ATAD2B: variants seen among roughly 807,000 people sequenced by gnomAD.
ATAD2B encodes the protein ATPase family AAA domain-containing protein 2B.
A neutral mutation model predicts 167.6 loss-of-function variants in ATAD2B; 40 were observed. That is an observed-to-expected ratio of 0.24 (90% CI 0.19 to 0.31). The LOEUF (loss-of-function observed/expected upper bound fraction) is 0.31. Among genes scored for constraint, ATAD2B ranks in the 10% least tolerant of loss-of-function variants. The pLI, the probability that ATAD2B is intolerant of heterozygous loss-of-function variation, is 1.00. For synonymous variants in ATAD2B, 579 were observed against 596.5 expected (o/e 0.97, Z 0.43); for missense variants, 1,242 against 1,757.2 (o/e 0.71, Z 5.24).
the ATAD2B span, among the ~76,000 whole-genome samples, chr2:23,694,303 G>A: frequency 3.3e-5 from 5 of 152,054 alleles, no homozygotes; most frequent in Non-Finnish European, 5.9e-5. Context: ...TAGCCATTTC[G>A]CTACACGCGC....
Position 23,926,952 on chromosome 2 carries a change from G to T in ATAD2B, c.-182C>A. The T allele has an allele frequency of 1.4e-6, 1 of 694,022 alleles. No homozygotes were observed. Among genetic ancestry groups the T allele is most frequent in the Non-Finnish European group, 2.2e-6 (1 of 452,158 alleles). The allele number at this position is 694,022 out of a possible 1,614,324, so 43.0% of individuals were successfully genotyped here. On this transcript the variant is annotated 5_prime_UTR_variant, in exon 1 of 28. Coordinates refer to ENST00000238789, the MANE Select transcript of ATAD2B (RefSeq NM_017552.4). ...GGCAGAGGAAGGGAAGTCGGCGTGA[G>T]CAGGCGGCGTGCGGGAAGCGGGGGC...
At chr2:23,879,399 G>A (rs1697515486) in intron 7 of ATAD2B, among the ~76,000 whole-genome samples, 1 of 151,920 alleles carries the variant, frequency 6.6e-6, no homozygotes, top group African/African-American at 2.4e-5. Flanking sequence ...CTTCAGGCCA[G>A]GAGTTCAAGA....
chr2:23,708,852 T>C, the ATAD2B span, among the ~76,000 whole-genome samples: 11 of 152,176 alleles, frequency 7.2e-5, no homozygotes, highest in African/African-American at 2.4e-5. Context: ...CTTCCTTTCA[T>C]TGAAGTGCTC....
intron 1 of ATAD2B, among the ~76,000 whole-genome samples, chr2:23,900,522 A>G (rs1700693097): frequency 6.6e-6 from 1 of 152,224 alleles, no homozygotes; most frequent in African/African-American, 2.4e-5. Context: ...GGCATGATCT[A>G]TTTGGAAGCT....
chr2:23,900,167 C>G (rs1447356644), intron 1 of ATAD2B, among the ~76,000 whole-genome samples: 1 of 152,144 alleles, frequency 6.6e-6, no homozygotes, highest in African/African-American at 2.4e-5. Context: ...CTGCCAGCCT[C>G]GGCCTCCGAA....
intron 13 of ATAD2B, among the ~76,000 whole-genome samples, chr2:23,854,913 G>A (rs909525539): frequency 5.9e-5 from 9 of 151,954 alleles, no homozygotes; most frequent in African/African-American, 2.2e-4. Context: ...ACAAAGACTG[G>A]GCCAGGGGTA....
chr2:23,754,474 T>C (rs1332012467), intron 26 of ATAD2B, among the ~76,000 whole-genome samples, 167 bp from the exon 27 acceptor site: 2 of 152,336 alleles, frequency 1.3e-5, no homozygotes, highest in East Asian at 3.9e-4. Context: ...TATCTTGGAC[T>C]ACTCCCGTAT....
At chr2:23,779,895 T>C (rs959726547) in intron 22 of ATAD2B, among the ~76,000 whole-genome samples, 12 of 152,156 alleles carry the variant, frequency 7.9e-5, no homozygotes, top group African/African-American at 2.4e-4. Flanking sequence ...CACTAAGTGA[T>C]GGAATTAATA....
rs1318324067 is a variant in ATAD2B at position 23,762,193 on chromosome 2, G to A, written c.3394+16C>T. 1.9e-6 allele frequency: 3 copies of A among 1,612,356 alleles called. No individual in the cohort carries two copies. Among genetic ancestry groups the A allele is most frequent in the South Asian group, 2.2e-5 (2 of 90,886 alleles). On this transcript the variant is annotated intron_variant, in intron 24 of 27. Coordinates refer to ENST00000238789, the MANE Select transcript of ATAD2B (RefSeq NM_017552.4). Reference sequence around the variant, plus strand: ...AGTTGTTCTCACTACTGGATAACATGAGCTGAAATACTCACATGCACATTT... The same window carrying A: ...AGTTGTTCTCACTACTGGATAACATAAGCTGAAATACTCACATGCACATTT...
intron 1 of ATAD2B, among the ~76,000 whole-genome samples, chr2:23,902,381 G>T (rs1273861378): frequency 6.6e-6 from 1 of 152,120 alleles, no homozygotes; most frequent in African/African-American, 2.4e-5. Flanking sequence ...AAGCAACCAC[G>T]ATGTAAACAG....
At chr2:23,870,685 T>A (rs187401295) in intron 8 of ATAD2B, among the ~76,000 whole-genome samples, 8 of 151,922 alleles carry the variant, frequency 5.3e-5, no homozygotes, top group East Asian at 3.9e-4. Context: ...TTTTTTTTTT[T>A]AATTTTATCT....
chr2:23,909,483 T>C (rs1385538473), intron 1 of ATAD2B, among the ~76,000 whole-genome samples: 1 of 151,774 alleles, frequency 6.6e-6, no homozygotes, highest in Non-Finnish European at 1.5e-5. Context: ...TATATATACA[T>C]ACATACATAC....
chr2:23,874,872 C>A (rs577522778), intron 8 of ATAD2B, among the ~76,000 whole-genome samples: 1 of 149,890 alleles, frequency 6.7e-6, no homozygotes, highest in Admixed American at 6.7e-5. Flanking sequence ...CTGGCTAACA[C>A]GGTGAAATCC....
intron 1 of ATAD2B, among the ~76,000 whole-genome samples, chr2:23,915,586 CTTTTTTTTTTT>C (rs869032768): frequency 3.1e-5 from 2 of 65,238 alleles, no homozygotes; most frequent in Non-Finnish European, 5.4e-5. Flanking sequence ...ACTACCGATT[CTTTTTTTTTTT>C]TTTTTTTTTT....
rs1553453543 is a variant in ATAD2B at position 23,903,939 on chromosome 2, T to TGG, written c.217-7970_217-7969insCC. On this transcript the variant is annotated intron_variant, in intron 1 of 27. Coordinates refer to ENST00000238789, the MANE Select transcript of ATAD2B (RefSeq NM_017552.4). ...CAGGTATAAAAAGTGCCGGTTGTTG[T>TGG]TGGTGGTGGTGGTGGTGGTGGTAGT... Among the ~76,000 whole-genome samples, 13 of 151,982 alleles carry TGG rather than the reference T, an allele frequency of 8.6e-5. No individual in the cohort carries two copies. The South Asian group carries it at 1.5e-3, about 17-fold the overall frequency.
chr2:23,799,770 G>A (rs186954901), intron 18 of ATAD2B: 1 of 151,858 alleles, frequency 6.6e-6, no homozygotes, highest in East Asian at 1.9e-4. Context: ...TAATAAACCA[G>A]ATGAAAGAAG....
chr2:23,758,264 C>T (rs1467624188), intron 24 of ATAD2B, among the ~76,000 whole-genome samples, 163 bp from the exon 25 acceptor site: 1 of 152,142 alleles, frequency 6.6e-6, no homozygotes, highest in Non-Finnish European at 1.5e-5. Context: ...TTGCAACCTA[C>T]AAATGGAATG....
At chr2:23,703,176 T>C in the ATAD2B span, 3 of 1,405,962 alleles carry the variant, frequency 2.1e-6, no homozygotes, top group Non-Finnish European at 2.8e-6. Context: ...CTTTTTCTCC[T>C]CTCCTGCAGG....
intron 10 of ATAD2B, among the ~76,000 whole-genome samples, chr2:23,865,291 G>GC (rs1694967729): frequency 6.6e-6 from 1 of 152,098 alleles, no homozygotes; most frequent in Admixed American, 6.5e-5. Flanking sequence ...CACTTTGGGA[G>GC]CCCAAGGAGG....
Sources: allele counts gnomAD v4.1 joint callset (sites outside exome capture counted in the v4.1 genomes callset), GRCh38; gene constraint gnomAD v4.1.1; transcripts MANE v1.5; gene names NCBI Gene and HGNC (gene_info 2026-07-23, HGNC 2026-07-21).